RPS6KA2: variants seen among roughly 807,000 people sequenced by gnomAD.
RPS6KA2 encodes ribosomal protein S6 kinase alpha-2.
A neutral mutation model predicts 91.8 loss-of-function variants in RPS6KA2; 42 were observed. That is an observed-to-expected ratio of 0.46 (90% CI 0.36 to 0.59). RPS6KA2 has a LOEUF of 0.59. Ranked by LOEUF, RPS6KA2 falls within the 20% of genes least tolerant of loss-of-function variation. RPS6KA2 has a pLI of 0.00. For missense variants in RPS6KA2, 798 were observed against 978.5 expected (o/e 0.82, Z 2.46); for synonymous variants, 414 against 393.6 (o/e 1.05, Z -0.61).
chr6:166,471,862 C>T (rs565278142), intron 10 of RPS6KA2, among the ~76,000 whole-genome samples: 2 of 152,348 alleles, frequency 1.3e-5, no homozygotes, highest in South Asian at 4.1e-4. Flanking sequence ...AGTCTAGCTC[C>T]CTTGTTCTCC....
At chr6:166,614,581 G>A (rs1483854866) in intron 1 of RPS6KA2, among the ~76,000 whole-genome samples, 10 of 152,262 alleles carry the variant, frequency 6.6e-5, no homozygotes, top group Admixed American at 6.5e-4. Context: ...TATTCGCTTT[G>A]TCTTGCTGCT....
intron 2 of RPS6KA2, among the ~76,000 whole-genome samples, chr6:166,786,503 T>A (rs11751474): frequency 0.2 from 20,369 of 103,880 alleles, 1,456 homozygotes; most frequent in Middle Eastern, 0.25. Flanking sequence ...AAAAAAAAAA[T>A]TCTGATTGCA....
At chr6:166,768,740 G>A (rs770338796) in intron 2 of RPS6KA2, among the ~76,000 whole-genome samples, 4 of 152,174 alleles carry the variant, frequency 2.6e-5, no homozygotes, top group East Asian at 3.8e-4. Context: ...GGCTGCTCCC[G>A]GGTGACGCTG....
intron 1 of RPS6KA2, among the ~76,000 whole-genome samples, chr6:166,558,035 T>C (rs116484082): frequency 0.02 from 3,005 of 152,064 alleles, 105 homozygotes; most frequent in African/African-American, 0.07. Context: ...TGTGTATATA[T>C]AGGTGTGTAT....
intron 1 of RPS6KA2, among the ~76,000 whole-genome samples, chr6:166,547,052 G>A (rs375759473): frequency 1.3e-5 from 2 of 152,152 alleles, no homozygotes; most frequent in Non-Finnish European, 2.9e-5. Flanking sequence ...GGGCTCAAGC[G>A]ATCCTTCCAC....
intron 4 of RPS6KA2, 133 bp downstream of exon 4, chr6:166,510,144 C>T: frequency 6.2e-6 from 3 of 482,028 alleles, no homozygotes; most frequent in Non-Finnish European, 1.1e-5. Context: ...CACCTTCCTC[C>T]CCAGGCAGGG....
intron 2 of RPS6KA2, among the ~76,000 whole-genome samples, chr6:166,819,519 C>T (rs76428308): frequency 9.9e-5 from 15 of 152,278 alleles, no homozygotes; most frequent in South Asian, 2.1e-4. Context: ...CCGCAAGTAC[C>T]GTGTTTTCCA....
chr6:166,463,220 G>A (rs3817790), intron 11 of RPS6KA2: 47,848 of 152,168 alleles, frequency 0.31, 7,635 homozygotes, highest in Admixed American at 0.41. Context: ...CCTAAGAACG[G>A]GTTTGAGGCT....
chr6:166,446,073 G>T (rs1460177065), intron 14 of RPS6KA2, among the ~76,000 whole-genome samples: 2 of 152,218 alleles, frequency 1.3e-5, no homozygotes, highest in African/African-American at 2.4e-5. Context: ...AAACAAAACC[G>T]CACAGTGCTC....
At chr6:166,730,086 A>G (rs983797711) in intron 2 of RPS6KA2, among the ~76,000 whole-genome samples, 3 of 152,252 alleles carry the variant, frequency 2.0e-5, no homozygotes, top group Non-Finnish European at 4.4e-5. Context: ...AGAAGGATTA[A>G]GATTCTCACA....
chr6:166,559,479 T>C (rs943155334), intron 1 of RPS6KA2, among the ~76,000 whole-genome samples: 12 of 152,206 alleles, frequency 7.9e-5, no homozygotes, highest in Non-Finnish European at 1.3e-4. Context: ...ACCACCATGC[T>C]AAGTGATGAA....
At chr6:166,578,138 G>A (rs1325583900) in intron 1 of RPS6KA2, among the ~76,000 whole-genome samples, 1 of 152,158 alleles carries the variant, frequency 6.6e-6, no homozygotes, top group Non-Finnish European at 1.5e-5. Flanking sequence ...CAGTCTTGGG[G>A]ATGTCTTTAT....
chr6:166,474,897 C>A (rs529954750), intron 10 of RPS6KA2, among the ~76,000 whole-genome samples: 3 of 152,338 alleles, frequency 2.0e-5, no homozygotes, highest in Admixed American at 6.5e-5. Flanking sequence ...TCCTGCTGAG[C>A]CTGTTCCTGC....
chr6:166,794,954 C>T (rs1779186882), intron 2 of RPS6KA2, among the ~76,000 whole-genome samples: 3 of 151,650 alleles, frequency 2.0e-5, no homozygotes, highest in Admixed American at 6.6e-5. Context: ...ACATATGTAA[C>T]AAACCTGCAC....
At chr6:166,839,637 T>G (rs1353703361) in intron 2 of RPS6KA2, among the ~76,000 whole-genome samples, 1 of 104,062 alleles carries the variant, frequency 9.6e-6, no homozygotes, top group Admixed American at 1.2e-4. Flanking sequence ...GCCATCCCAA[T>G]GTAGTCACAA....
At chr6:166,792,577 C>T (rs570162743) in intron 2 of RPS6KA2, among the ~76,000 whole-genome samples, 2 of 152,096 alleles carry the variant, frequency 1.3e-5, no homozygotes, top group East Asian at 1.9e-4. Context: ...ACCAATATCC[C>T]TGATGAACAT....
chr6:166,702,886 T>G, intron 2 of RPS6KA2: 1 of 794,190 alleles, frequency 1.3e-6, no homozygotes, highest in Non-Finnish European at 2.1e-6. Context: ...AAACGAAAAT[T>G]AAAACCACCC....
chr6:166,651,193 TATATC>T (rs755201694), intron 2 of RPS6KA2, among the ~76,000 whole-genome samples: 3 of 152,224 alleles, frequency 2.0e-5, no homozygotes, highest in South Asian at 2.1e-4. Flanking sequence ...ATCTCATACT[TATATC>T]ATATATATAT....
At chr6:166,710,191 C>T (rs909026339) in intron 2 of RPS6KA2, among the ~76,000 whole-genome samples, 1 of 152,162 alleles carries the variant, frequency 6.6e-6, no homozygotes, top group Non-Finnish European at 1.5e-5. Flanking sequence ...CCCTGAACAT[C>T]TGAAAGATTC....
Sources: gnomAD v4.1 joint callset for allele counts (sites outside exome capture counted in the v4.1 genomes callset) on GRCh38, gnomAD v4.1.1 for gene constraint, MANE v1.5 for transcripts, NCBI Gene and HGNC (gene_info 2026-07-23, HGNC 2026-07-21) for gene names.